The following RORA variants were observed in gnomAD, a reference collection of about 807,000 sequenced individuals.
RORA encodes RAR related orphan receptor A.
RORA carries 7 observed loss-of-function variants against 69.5 expected under a neutral mutation model. The observed-to-expected ratio is 0.10, with a 90% CI of 0.06 to 0.19. The LOEUF is 0.19. Ranked by LOEUF, RORA falls within the 10% of genes least tolerant of loss-of-function variation. The pLI is 1.00. For missense variants in RORA, 457 were observed against 663.0 expected, an observed-to-expected ratio of 0.69 and a Z score of 3.41; for synonymous variants, 261 against 240.8, an observed-to-expected ratio of 1.08 and a Z score of -0.78.
intron 3 of RORA, among the ~76,000 whole-genome samples, chr15:60,521,990 A>G (rs1413774160): frequency 1.3e-5 from 2 of 152,180 alleles, no homozygotes; most frequent in Non-Finnish European, 2.9e-5. Context: ...ACTGTATACT[A>G]TGAATTTTTC....
chr15:60,934,471 TTG>T (rs1892463326), intron 1 of RORA, among the ~76,000 whole-genome samples: 8 of 28,938 alleles, frequency 2.8e-4, no homozygotes, highest in Admixed American at 1.0e-3. Flanking sequence ...CAAGAGTTTG[TTG>T]TTGTTGTTGT....
intron 1 of RORA, among the ~76,000 whole-genome samples, chr15:60,907,638 C>T (rs1216733944): frequency 1.3e-5 from 2 of 152,216 alleles, no homozygotes; most frequent in African/African-American, 4.8e-5. Flanking sequence ...AGGACTCAGG[C>T]ACCCATGTTG....
At chr15:61,135,849 A>G (rs1034150904) in intron 1 of RORA, among the ~76,000 whole-genome samples, 1 of 152,216 alleles carries the variant, frequency 6.6e-6, no homozygotes, top group Non-Finnish European at 1.5e-5. Flanking sequence ...ATAAGTGCCT[A>G]ACATCTTGAC....
chr15:61,187,112 C>T (rs1325337634), intron 1 of RORA, among the ~76,000 whole-genome samples: 4 of 152,198 alleles, frequency 2.6e-5, no homozygotes, highest in Admixed American at 6.5e-5. Flanking sequence ...CTTTCAAAAG[C>T]GGCGGTGGCA....
At chr15:60,875,876 G>A (rs1020681698) in intron 1 of RORA, among the ~76,000 whole-genome samples, 3 of 152,126 alleles carry the variant, frequency 2.0e-5, no homozygotes, top group African/African-American at 7.2e-5. Flanking sequence ...AAACATTTTG[G>A]CTTTTTTCAC....
In RORA at chr15:60,749,641, C is replaced by T. The variant is rs555204530; in HGVS notation, c.167-70955G>A. On this transcript the variant is annotated intron_variant, in intron 1 of 10. Coordinates refer to ENST00000335670, the MANE Select transcript of RORA (RefSeq NM_134261.3). ...TGTTAGCACACTTAGACACTGTCTC[C>T]TTTTACCAGGGGATATGATGGAGAG... Among the ~76,000 whole-genome samples the T allele has an allele frequency of 1.6e-4, 25 of 152,274 alleles. 1 individual carries two copies. The highest frequency in any genetic ancestry group is 5.8e-4 in the African/African-American group (24 of 41,558).
intron 2 of RORA, among the ~76,000 whole-genome samples, chr15:60,574,932 A>C (rs747845743): frequency 1.3e-5 from 2 of 151,978 alleles, no homozygotes; most frequent in Non-Finnish European, 2.9e-5. Flanking sequence ...TGTCACCCGG[A>C]AGAGCCAGGA....
chr15:61,110,136 C>T (rs147118511), intron 1 of RORA, among the ~76,000 whole-genome samples: 4 of 152,312 alleles, frequency 2.6e-5, no homozygotes, highest in Non-Finnish European at 5.9e-5. Context: ...TGGTGGCTCA[C>T]GCCTGTAATC....
intron 2 of RORA, among the ~76,000 whole-genome samples, chr15:60,631,177 T>C (rs1016302836): frequency 3.9e-5 from 6 of 152,140 alleles, no homozygotes; most frequent in South Asian, 2.1e-4. Context: ...GCGTGAGCCA[T>C]TGCACCCGGC....
intron 1 of RORA, among the ~76,000 whole-genome samples, chr15:61,162,026 T>C (rs1169252804): frequency 1.3e-5 from 2 of 152,234 alleles, no homozygotes. Context: ...TGTAGATATA[T>C]ACACACGTTA....
chr15:60,793,093 G>A (rs186058398), intron 1 of RORA, among the ~76,000 whole-genome samples: 43 of 151,964 alleles, frequency 2.8e-4, no homozygotes, highest in Admixed American at 5.2e-4. Context: ...GTGTGACCTT[G>A]GGCAAAAAGT....
chr15:61,197,942 C>T (rs1278621550), intron 1 of RORA, among the ~76,000 whole-genome samples: 4 of 152,014 alleles, frequency 2.6e-5, no homozygotes, highest in African/African-American at 9.7e-5. Context: ...TTGGCTGCTG[C>T]TTGTTTTGTG....
chr15:60,735,778 G>A (rs1182647174), intron 1 of RORA, among the ~76,000 whole-genome samples: 2 of 152,152 alleles, frequency 1.3e-5, no homozygotes, highest in Non-Finnish European at 2.9e-5. Flanking sequence ...CAGCACAATG[G>A]ATTCAAGGCT....
chr15:61,002,969 A>C (rs1049735805), intron 1 of RORA, among the ~76,000 whole-genome samples: 8 of 114,908 alleles, frequency 7.0e-5, no homozygotes, highest in African/African-American at 3.0e-4. Flanking sequence ...GTCTCTACTA[A>C]AAATACAAAA....
intron 2 of RORA, chr15:60,592,736 C>A: frequency 9.2e-7 from 1 of 1,088,520 alleles, no homozygotes; most frequent in South Asian, 1.8e-5. Flanking sequence ...CTGGCCCACC[C>A]CGGCCGGGCC....
At chr15:60,901,272 A>G (rs1595803529) in intron 1 of RORA, among the ~76,000 whole-genome samples, 1 of 152,270 alleles carries the variant, frequency 6.6e-6, no homozygotes, top group East Asian at 1.9e-4. Flanking sequence ...CCTGGGTTCA[A>G]GCAATTCTCC....
intron 1 of RORA, among the ~76,000 whole-genome samples, chr15:61,089,163 C>A (rs1317325118): frequency 1.3e-5 from 2 of 152,146 alleles, no homozygotes; most frequent in Non-Finnish European, 2.9e-5. Flanking sequence ...TCAAGCATAA[C>A]AAAAGGAATG....
At chr15:61,123,496 A>G (rs1036658372) in intron 1 of RORA, among the ~76,000 whole-genome samples, 22 of 152,318 alleles carry the variant, frequency 1.4e-4, no homozygotes, top group Non-Finnish European at 7.3e-5. Context: ...ACGTGTCCCA[A>G]AACAAACAAT....
intron 1 of RORA, among the ~76,000 whole-genome samples, chr15:60,910,898 T>TTG (rs1353724179): frequency 3.0e-4 from 40 of 132,788 alleles, no homozygotes; most frequent in Non-Finnish European, 5.1e-4. Context: ...TGTTGTTGTT[T>TTG]TTTGGGTTTT....
Sources: allele counts gnomAD v4.1 joint callset (sites outside exome capture counted in the v4.1 genomes callset), GRCh38; gene constraint gnomAD v4.1.1; transcripts MANE v1.5; gene names NCBI Gene and HGNC (gene_info 2026-07-23, HGNC 2026-07-21).